Variants in GRIP1 observed in about 807,000 individuals in gnomAD.
GRIP1 encodes glutamate receptor interacting protein 1.
Under a neutral mutation model 129.9 loss-of-function variants are expected in GRIP1, and 45 were observed. The ratio of observed to expected loss-of-function variants is 0.35; its 90% CI spans 0.27 to 0.44. GRIP1 has a LOEUF of 0.44. GRIP1 is among the 20% of genes least tolerant of loss of function. The pLI, the probability that GRIP1 is intolerant of heterozygous loss-of-function variation, is 1.00. For missense variants in GRIP1, 1,196 were observed against 1,396.8 expected, an observed-to-expected ratio of 0.86 and a Z score of 2.29; for synonymous variants, 530 against 520.8, an observed-to-expected ratio of 1.02 and a Z score of -0.24.
chr12:66,844,334 C>T (rs149234259), intron 1 of GRIP1, among the ~76,000 whole-genome samples: 171 of 152,206 alleles, frequency 1.1e-3, no homozygotes, highest in Non-Finnish European at 2.0e-3. Context: ...AATTAGCACA[C>T]GAAAATATGC....
chr12:66,696,448 A>G (rs2035158630), intron 1 of GRIP1, among the ~76,000 whole-genome samples: 3 of 152,158 alleles, frequency 2.0e-5, no homozygotes, highest in African/African-American at 7.2e-5. Flanking sequence ...AGAATGAGTT[A>G]GAGAAAGGTG....
chr12:67,058,647 G>A (rs1382896644), intron 1 of GRIP1, among the ~76,000 whole-genome samples: 1 of 152,214 alleles, frequency 6.6e-6, no homozygotes, highest in Non-Finnish European at 1.5e-5. Flanking sequence ...TTATGTGCAA[G>A]GAAGACTAGT....
chr12:66,675,187 G>A (rs978353692), intron 1 of GRIP1, among the ~76,000 whole-genome samples: 1 of 152,172 alleles, frequency 6.6e-6, no homozygotes, highest in African/African-American at 2.4e-5. Context: ...GTAGAGAAAA[G>A]ACAGAGAGAG....
At chr12:66,435,114 A>AT (rs2058262367) in intron 13 of GRIP1, among the ~76,000 whole-genome samples, 1 of 152,034 alleles carries the variant, frequency 6.6e-6, no homozygotes, top group Admixed American at 6.6e-5. Flanking sequence ...AAATGATTTG[A>AT]TTACTTGGAT....
At chr12:66,496,543 A>G (rs1472771614) in intron 7 of GRIP1, among the ~76,000 whole-genome samples, 1 of 152,096 alleles carries the variant, frequency 6.6e-6, no homozygotes, top group Non-Finnish European at 1.5e-5. Flanking sequence ...CTGGAGAGAA[A>G]TGATTTGTCA....
At chr12:66,634,064 C>T (rs1026177453) in intron 1 of GRIP1, among the ~76,000 whole-genome samples, 1 of 152,158 alleles carries the variant, frequency 6.6e-6, no homozygotes, top group East Asian at 1.9e-4. Context: ...TTGTGTTATA[C>T]TTCATTAGGC....
intron 1 of GRIP1, among the ~76,000 whole-genome samples, chr12:66,714,867 C>T (rs535384329): frequency 1.9e-4 from 27 of 145,594 alleles, no homozygotes; most frequent in Admixed American, 2.8e-4. Context: ...CCAACTCACC[C>T]ATCTATCCAT....
intron 1 of GRIP1, among the ~76,000 whole-genome samples, chr12:66,840,932 T>C (rs946952749): frequency 1.3e-5 from 2 of 152,186 alleles, no homozygotes; most frequent in Admixed American, 6.5e-5. Context: ...CCTTTTGAAA[T>C]TGAAAGAGTT....
intron 1 of GRIP1, among the ~76,000 whole-genome samples, chr12:66,784,635 T>C (rs1245115071): frequency 2.6e-5 from 4 of 152,140 alleles, no homozygotes; most frequent in African/African-American, 7.2e-5. Flanking sequence ...ATTCCTGCTA[T>C]AGCATCACTA....
At chr12:66,692,659 T>C (rs1423923584) in intron 1 of GRIP1, among the ~76,000 whole-genome samples, 1 of 152,142 alleles carries the variant, frequency 6.6e-6, no homozygotes, top group East Asian at 1.9e-4. Context: ...TGCCACATTG[T>C]CATGGCAGAG....
chr12:66,602,981 C>T (rs1431392882), intron 1 of GRIP1, among the ~76,000 whole-genome samples: 1 of 150,160 alleles, frequency 6.7e-6, no homozygotes, highest in Non-Finnish European at 1.5e-5. Context: ...ACCTCAGCCT[C>T]TGAGCAGCTG....
chr12:66,650,935 T>C (rs1325875094), intron 1 of GRIP1, among the ~76,000 whole-genome samples: 1 of 152,156 alleles, frequency 6.6e-6, no homozygotes, highest in East Asian at 1.9e-4. Context: ...TTGCTTCATC[T>C]CCAAAATGAG....
At chr12:66,808,860 G>C (rs374441658), upstream of GRIP1, among the ~76,000 whole-genome samples, 106 of 152,000 alleles carry the variant, frequency 7.0e-4, 2 homozygotes, top group Middle Eastern at 3.4e-3. Flanking sequence ...TAAATGTTGT[G>C]AACAATGGTT....
At chr12:66,920,634 T>G (rs528714565) in intron 1 of GRIP1, among the ~76,000 whole-genome samples, 1 of 152,342 alleles carries the variant, frequency 6.6e-6, no homozygotes, top group East Asian at 1.9e-4. Context: ...GGTCACTGAT[T>G]ACTCTTAATA....
chr12:66,556,322 T>A (rs982107679), intron 2 of GRIP1, among the ~76,000 whole-genome samples: 3 of 152,106 alleles, frequency 2.0e-5, no homozygotes, highest in Non-Finnish European at 4.4e-5. Context: ...GAATAGTATA[T>A]CTGGCAAAAA....
intron 1 of GRIP1, among the ~76,000 whole-genome samples, chr12:66,915,160 A>T (rs1184415235): frequency 6.6e-6 from 1 of 152,194 alleles, no homozygotes; most frequent in Non-Finnish European, 1.5e-5. Flanking sequence ...GGGAGACTGG[A>T]ATCTTGCTTT....
intron 1 of GRIP1, among the ~76,000 whole-genome samples, chr12:66,870,345 C>A (rs1261365526): frequency 2.0e-5 from 3 of 151,406 alleles, no homozygotes; most frequent in African/African-American, 7.3e-5. Flanking sequence ...AATTTTATCC[C>A]AAGATGTAAA....
At chr12:66,646,451 C>A (rs1441482518) in intron 1 of GRIP1, among the ~76,000 whole-genome samples, 2 of 152,188 alleles carry the variant, frequency 1.3e-5, no homozygotes, top group Non-Finnish European at 2.9e-5. Flanking sequence ...TGGCAAAACT[C>A]CGTCTCTATG....
At chr12:66,755,359 C>T (rs2037255030) in intron 1 of GRIP1, among the ~76,000 whole-genome samples, 1 of 152,142 alleles carries the variant, frequency 6.6e-6, no homozygotes, top group Non-Finnish European at 1.5e-5. Context: ...ATGTGGCGAA[C>T]TATTTTACAT....
Sources: gnomAD v4.1 joint callset for allele counts (sites outside exome capture counted in the v4.1 genomes callset) on GRCh38, gnomAD v4.1.1 for gene constraint, MANE v1.5 for transcripts, NCBI Gene and HGNC (gene_info 2026-07-23, HGNC 2026-07-21) for gene names.